The following PLEKHA2 variants were observed in gnomAD, a reference collection of about 807,000 sequenced individuals.
PLEKHA2 encodes the protein pleckstrin homology domain containing A2, also known as pleckstrin homology domain-containing family A member 2.
A neutral mutation model predicts 53.2 loss-of-function variants in PLEKHA2; 28 were observed. That is an observed-to-expected ratio of 0.53 (90% CI 0.39 to 0.72). The LOEUF (loss-of-function observed/expected upper bound fraction) is 0.72. Ranked by LOEUF, PLEKHA2 falls within the 30% of genes least tolerant of loss-of-function variation. PLEKHA2 has a pLI of 0.00. For synonymous variants in PLEKHA2, 193 were observed against 196.4 expected, an observed-to-expected ratio of 0.98 and a Z score of 0.14; for missense variants, 426 against 537.9, an observed-to-expected ratio of 0.79 and a Z score of 2.06.
chr8:38,969,812 G>T lies in PLEKHA2; in HGVS notation c.*29G>T. On this transcript the variant is annotated 3_prime_UTR_variant, in exon 12 of 12. Coordinates refer to ENST00000617275, the MANE Select transcript of PLEKHA2 (RefSeq NM_021623.2). ...AGCACAGTGCCATGGGAGGGAGGGA[G>T]GGAGGGAGGACTTGAGAGAAGGAGG... The T allele has an allele frequency of 6.5e-7, 1 of 1,540,424 alleles. No homozygotes were observed. The highest frequency in any genetic ancestry group is 1.2e-5 in the South Asian group (1 of 83,374).
At chr8:38,950,789 G>C in intron 5 of PLEKHA2, 61 bp from the exon 6 acceptor site, 3 of 1,567,156 alleles carry the variant, frequency 1.9e-6, no homozygotes, top group Non-Finnish European at 2.6e-6. Context: ...ATTCTGTTTT[G>C]GGCTCCCCAT....
In PLEKHA2 at chr8:38,972,082, C is replaced by G. The variant is rs939014207; in HGVS notation, c.*2299C>G. The G allele has an allele frequency of 6.6e-6, 1 of 152,136 alleles. No individual in the cohort carries two copies. Among genetic ancestry groups the G allele is most frequent in the Non-Finnish European group, 1.5e-5 (1 of 68,026 alleles). The allele number at this position is 152,136 out of a possible 1,614,324, so 9.4% of individuals were successfully genotyped here. A position where few individuals can be genotyped will look rare whatever the true frequency, so the allele number is the denominator to read the frequency against. ...ATACATAGAATCCATATGGTATTAT[C>G]CTGATAAAGGGAAACGAGGACACTA... is the stretch of plus-strand genomic sequence containing the variant. On this transcript the variant is annotated 3_prime_UTR_variant, in exon 12 of 12. Transcript: ENST00000617275.
At position 38,941,110 on chromosome 8, in the gene PLEKHA2, G is replaced by A. The variant is rs549428898; in HGVS notation, c.199-2679G>A. ...CTCGCTCTGTCACCAAGGCTGGAGT[G>A]CAATGGCGGGATCTCAGCTCACTGC... On this transcript the variant is annotated intron_variant, in intron 3 of 11. Transcript: ENST00000617275. 3.9e-3 allele frequency among the ~76,000 whole-genome samples: 582 copies of A among 149,898 alleles called. 8 individuals are homozygous for A. Among genetic ancestry groups the A allele is most frequent in the African/African-American group, 0.013 (525 of 40,692 alleles).
intron 1 of PLEKHA2, among the ~76,000 whole-genome samples, chr8:38,904,806 C>T (rs1453421610): frequency 1.3e-5 from 2 of 152,178 alleles, no homozygotes; most frequent in African/African-American, 4.8e-5. Context: ...GCAGCAGCTG[C>T]CTGCCCAGTG....
intron 1 of PLEKHA2, among the ~76,000 whole-genome samples, chr8:38,903,685 A>G (rs554629187): frequency 6.6e-6 from 1 of 152,200 alleles, no homozygotes; most frequent in Non-Finnish European, 1.5e-5. Context: ...CTCCTGTCCA[A>G]TTCATGGGAC....
chr8:38,957,459 CCTTTG>C, intron 10 of PLEKHA2, 73 bp downstream of exon 10: 1 of 1,293,546 alleles, frequency 7.7e-7, no homozygotes, highest in South Asian at 1.2e-5. Context: ...CGTGTCCTTT[CCTTTG>C]CTTTCTCTTT....
Position 38,952,666 on chromosome 8 carries a change from C to G in PLEKHA2, c.664C>G (p.Leu222Val). ...RKSWKRRFFA[L>V]DDFTICYFKC... ...GAGCTGGAAACGTCGCTTCTTTGCA[C>G]TTGATGACTTTACCATCTGCTACTT... is the stretch of plus-strand genomic sequence containing the variant. The change falls in exon 8 of 12, where the codon CTT (leucine) becomes GTT (valine). Residue 222 changes from leucine (L) to valine (V), a missense_variant. By Grantham distance (32) the Leu-to-Val change is conservative. Transcript: ENST00000617275. 6.2e-7 allele frequency: 1 copy of G among 1,611,534 alleles called. No homozygotes were observed.
At chr8:38,944,647 G>A (rs563070854) in intron 4 of PLEKHA2, among the ~76,000 whole-genome samples, 8 of 152,242 alleles carry the variant, frequency 5.3e-5, no homozygotes, top group African/African-American at 1.9e-4. Context: ...CAACAGCATG[G>A]GGGATGGTGT....
chr8:38,941,965 A>G (rs376312685), intron 3 of PLEKHA2, among the ~76,000 whole-genome samples: 19 of 152,218 alleles, frequency 1.2e-4, no homozygotes, highest in African/African-American at 4.6e-4. Context: ...GGTGTATAGC[A>G]AGAACTTAGA....
At chr8:38,968,495 A>G in intron 10 of PLEKHA2, 97 bp from the exon 11 acceptor site, 1 of 1,160,256 alleles carries the variant, frequency 8.6e-7, no homozygotes, top group Non-Finnish European at 1.3e-6. Context: ...TCTACCCCTA[A>G]TGGTGTAATT....
chr8:38,952,561 A>T, intron 7 of PLEKHA2, 75 bp from the exon 8 acceptor site: 2 of 1,495,906 alleles, frequency 1.3e-6, no homozygotes, highest in Middle Eastern at 3.4e-4. Context: ...GGTCCTTGGG[A>T]GCTTAGCATG....
At chr8:38,927,446 C>T (rs941738511) in intron 2 of PLEKHA2, among the ~76,000 whole-genome samples, 2 of 152,156 alleles carry the variant, frequency 1.3e-5, no homozygotes, top group Admixed American at 1.3e-4. Flanking sequence ...TTAGAGGCTG[C>T]AGTGAGCTGT....
chr8:38,934,468 T>G (rs1336270350), intron 2 of PLEKHA2, among the ~76,000 whole-genome samples: 1 of 152,082 alleles, frequency 6.6e-6, no homozygotes, highest in Non-Finnish European at 1.5e-5. Flanking sequence ...GTCTCTCTCT[T>G]CCAGAGATTT....
intron 3 of PLEKHA2, among the ~76,000 whole-genome samples, chr8:38,937,925 G>A (rs1430152527): frequency 6.6e-6 from 1 of 152,220 alleles, no homozygotes; most frequent in Non-Finnish European, 1.5e-5. Context: ...CAGGGTGTGT[G>A]CTTCTCTGCT....
intron 10 of PLEKHA2, among the ~76,000 whole-genome samples, chr8:38,959,151 TG>T (rs1468155738): frequency 6.7e-6 from 1 of 150,152 alleles, no homozygotes; most frequent in East Asian, 1.9e-4. Context: ...AAAAAAAAAA[TG>T]GTGTGATAAG....
chr8:38,961,903 T>G (rs570371146), intron 10 of PLEKHA2, among the ~76,000 whole-genome samples: 32 of 152,344 alleles, frequency 2.1e-4, no homozygotes, highest in African/African-American at 7.2e-4. Flanking sequence ...TCTTTTCTGT[T>G]AAGAAAAGCT....
intron 1 of PLEKHA2, among the ~76,000 whole-genome samples, chr8:38,916,925 C>G (rs1027970164): frequency 2.6e-5 from 4 of 152,198 alleles, no homozygotes; most frequent in Middle Eastern, 3.2e-3. Flanking sequence ...CACTTCCTCA[C>G]CAGCATTTGT....
At chr8:38,945,197 C>T (rs1490752433) in intron 4 of PLEKHA2, among the ~76,000 whole-genome samples, 2 of 152,210 alleles carry the variant, frequency 1.3e-5, no homozygotes, top group African/African-American at 4.8e-5. Context: ...CAAATGCTAA[C>T]AAATAGTTTC....
At chr8:38,966,735 G>A (rs911599743) in intron 10 of PLEKHA2, among the ~76,000 whole-genome samples, 15 of 152,060 alleles carry the variant, frequency 9.9e-5, no homozygotes, top group Admixed American at 6.5e-4. Context: ...TTGGTGCTGC[G>A]AGTCCCACAA....
Sources: allele counts gnomAD v4.1 joint callset (sites outside exome capture counted in the v4.1 genomes callset), GRCh38; gene constraint gnomAD v4.1.1; transcripts MANE v1.5; gene names NCBI Gene and HGNC (gene_info 2026-07-23, HGNC 2026-07-21).